The following SLC12A9 variants were observed in gnomAD, a reference collection of about 807,000 sequenced individuals.
SLC12A9 encodes solute carrier family 12 member 9.
A neutral mutation model predicts 66.0 loss-of-function variants in SLC12A9; 55 were observed. The ratio of observed to expected loss-of-function variants is 0.83; its 90% confidence interval spans 0.67 to 1.04. SLC12A9 has a LOEUF of 1.04. SLC12A9 is among the 50% of genes least tolerant of loss of function. The pLI, the probability that SLC12A9 is intolerant of heterozygous loss-of-function variation, is 0.00. For synonymous variants in SLC12A9, 577 were observed against 569.0 expected (o/e 1.01, Z -0.20); for missense variants, 1,061 against 1,241.9 (o/e 0.85, Z 2.19).
At chr7:100,849,714 TA>T (rs1274563151), upstream of SLC12A9, among the ~76,000 whole-genome samples, 293 of 135,948 alleles carry the variant, frequency 2.2e-3, no homozygotes, top group Admixed American at 2.3e-3. Context: ...AGACTCTGTC[TA>T]AAAAAAAAAA....
In SLC12A9 at chr7:100,860,787, G is replaced by A. The variant is rs140165342; in HGVS notation, c.1219-351G>A. ...GGGTTCATTGACACTTTGGGGGTGC[G>A]CTGGCACTTTGCATGGTTCACTGGT... On this transcript the variant is annotated intron_variant, in intron 9 of 13. Coordinates refer to ENST00000354161, the MANE Select transcript of SLC12A9 (RefSeq NM_020246.4). 614 of 382,880 alleles carry A rather than the reference G, an allele frequency of 1.6e-3. 1 individual carries two copies. The highest frequency in any genetic ancestry group is 0.011 in the African/African-American group (499 of 45,322). The allele number at this position is 382,880 out of a possible 1,614,324, so 23.7% of individuals were successfully genotyped here. A position where few individuals can be genotyped will look rare whatever the true frequency, so the allele number is the denominator to read the frequency against.
exon 1 of SLC12A9, chr7:100,826,958 C>CT (rs762258031): frequency 1.3e-6 from 2 of 1,539,818 alleles, no homozygotes; most frequent in Admixed American, 3.9e-5. Flanking sequence ...GGGGTGCGCC[C>CT]CCCCCCGCAA....
chr7:100,857,245 A>C (rs1814454719), intron 5 of SLC12A9, 69 bp downstream of exon 5: 4 of 1,514,914 alleles, frequency 2.6e-6, no homozygotes, highest in Non-Finnish European at 3.6e-6. Flanking sequence ...CGGGCCCGTA[A>C]AACCTCTGGA....
At chr7:100,850,274 T>TA (rs1315531655), upstream of SLC12A9, among the ~76,000 whole-genome samples, 2 of 135,574 alleles carry the variant, frequency 1.5e-5, no homozygotes, top group African/African-American at 2.7e-5. Context: ...TTTTTTTTTT[T>TA]ATTGAGATAA....
intron 1 of SLC12A9, among the ~76,000 whole-genome samples, chr7:100,829,139 C>T (rs774205631): frequency 9.2e-5 from 14 of 152,132 alleles, no homozygotes; most frequent in African/African-American, 3.1e-4. Context: ...AGGCACAGGG[C>T]ACCAACCCCG....
intron 2 of SLC12A9, 34 bp from the exon 3 acceptor site, chr7:100,854,586 T>G: frequency 6.2e-7 from 1 of 1,612,704 alleles, no homozygotes; most frequent in Non-Finnish European, 8.5e-7. Context: ...GGGGTGTGAG[T>G]CCCCTGTGAC....
chr7:100,849,276 G>T (rs1463682448), upstream of SLC12A9, among the ~76,000 whole-genome samples: 3 of 151,880 alleles, frequency 2.0e-5, no homozygotes, highest in African/African-American at 7.3e-5. Context: ...GTGGGGTCTT[G>T]CTCTGTCAAC....
chr7:100,860,830 G>GGT, intron 9 of SLC12A9: 11 of 481,088 alleles, frequency 2.3e-5, no homozygotes, highest in Middle Eastern at 3.1e-4. Context: ...AGGGTTCACT[G>GGT]ACACTTTGGG....
At chr7:100,847,616 A>T (rs1273943918) in intron 1 of SLC12A9, among the ~76,000 whole-genome samples, 1 of 152,104 alleles carries the variant, frequency 6.6e-6, no homozygotes, top group African/African-American at 2.4e-5. Flanking sequence ...GACTGGTTAT[A>T]ACTTGAAAGT....
intron 1 of SLC12A9, 129 bp from the exon 2 acceptor site, chr7:100,854,027 C>G: frequency 1.8e-6 from 1 of 570,320 alleles, no homozygotes; most frequent in Non-Finnish European, 2.8e-6. Flanking sequence ...CCGAGCCTGG[C>G]CAATTTTTGT....
chr7:100,844,869 C>T (rs1233417406), intron 1 of SLC12A9, among the ~76,000 whole-genome samples: 1 of 152,120 alleles, frequency 6.6e-6, no homozygotes, highest in Admixed American at 6.6e-5. Context: ...CTAAAAGTGC[C>T]AGTACCAGAA....
chr7:100,848,183 C>T (rs1019215929), upstream of SLC12A9, among the ~76,000 whole-genome samples: 2 of 151,516 alleles, frequency 1.3e-5, no homozygotes, highest in African/African-American at 4.9e-5. Flanking sequence ...GAGGTACACC[C>T]TTGGAGGCAC....
At chr7:100,853,648 G>A (rs866224262) in intron 1 of SLC12A9, among the ~76,000 whole-genome samples, 2 of 149,228 alleles carry the variant, frequency 1.3e-5, no homozygotes, top group Non-Finnish European at 3.0e-5. Context: ...GCAGCCCTAC[G>A]CCTCCAGGAC....
intron 9 of SLC12A9, 199 bp downstream of exon 9, chr7:100,860,431 C>T: frequency 1.7e-6 from 1 of 593,128 alleles, no homozygotes; most frequent in East Asian, 2.9e-5. Context: ...TTGCAGAGTT[C>T]ATTGGCACCC....
At chr7:100,857,847 G>A (rs567696719) in intron 5 of SLC12A9, 96 of 152,382 alleles carry the variant, frequency 6.3e-4, no homozygotes, top group Non-Finnish European at 9.4e-4. Context: ...AGGAGGAGCC[G>A]AGATTGTGCC....
At chr7:100,865,212 C>A in intron 13 of SLC12A9, 2 of 1,519,538 alleles carry the variant, frequency 1.3e-6, no homozygotes, top group South Asian at 2.4e-5. Flanking sequence ...CGTGCCTCAG[C>A]TTCCCAAGAT....
At chr7:100,837,093 TCTC>T (rs1813676218) in intron 1 of SLC12A9, among the ~76,000 whole-genome samples, 1 of 152,064 alleles carries the variant, frequency 6.6e-6, no homozygotes, top group Non-Finnish European at 1.5e-5. Flanking sequence ...AATCCCACGA[TCTC>T]CTCTATATCT....
chr7:100,838,728 C>G (rs551562906), intron 1 of SLC12A9, among the ~76,000 whole-genome samples: 2 of 151,968 alleles, frequency 1.3e-5, no homozygotes, highest in African/African-American at 4.8e-5. Flanking sequence ...TTCATATTGT[C>G]TTATGCCTAA....
In SLC12A9 at chr7:100,861,334, G is replaced by A. The variant is rs1328819761; in HGVS notation, c.1344-58G>A. The A allele has an allele frequency of 3.1e-6, 5 of 1,611,362 alleles. No homozygotes were observed. Among genetic ancestry groups the A allele is most frequent in the Non-Finnish European group, 3.4e-6 (4 of 1,178,022 alleles). ...GGGCTCAGGCGTGGGGCTGGGGACT[G>A]CAGCCTCGTGTGCGGCCTGCCCTGA... is the stretch of plus-strand genomic sequence containing the variant. On this transcript the variant is annotated intron_variant, in intron 10 of 13. Coordinates refer to ENST00000354161, the MANE Select transcript of SLC12A9 (RefSeq NM_020246.4). This position sits in a 1 kb window ranked among gnomAD's most constrained non-coding sequence, Gnocchi z 5.3.
Sources: allele counts gnomAD v4.1 joint callset (sites outside exome capture counted in the v4.1 genomes callset), GRCh38; gene constraint gnomAD v4.1.1; non-coding constraint Gnocchi (gnomAD v3.1); transcripts MANE v1.5; gene names NCBI Gene and HGNC (gene_info 2026-07-23, HGNC 2026-07-21).